The following MYOM1 variants were observed in gnomAD, a reference collection of about 807,000 sequenced individuals.
MYOM1 encodes the protein myomesin 1.
In MYOM1, 164 loss-of-function variants were observed where a neutral mutation model predicts 205.3. The ratio of observed to expected loss-of-function variants is 0.80; its 90% CI spans 0.70 to 0.91. The LOEUF (loss-of-function observed/expected upper bound fraction) is 0.91, where lower values mean the gene tolerates loss of function less well. Among genes scored for constraint, MYOM1 ranks in the 40% least tolerant of loss-of-function variants. MYOM1 has a pLI of 0.00. For synonymous variants in MYOM1, 772 were observed against 789.4 expected (o/e 0.98, Z 0.37); for missense variants, 2,011 against 2,127.3 (o/e 0.95, Z 1.08).
rs1300792613 is a variant in MYOM1 at position 3,168,890 on chromosome 18, C to T, written c.1266G>A (p.Met422Ile). The part of the protein sequence containing the change: ...DVSFGREGET[M>I]SLGCRVVITP... ...TGATGACAACACGACAGCCTAGACT[C>T]ATTGTCTCTCCCTCTCTCCCAAAAG... The change falls in exon 9 of 38, where the codon ATG becomes ATA. Residue 422 changes from methionine to isoleucine, a missense_variant. Physicochemically the swap from Met to Ile is conservative, Grantham distance 10 (BLOSUM62 1). Transcript: ENST00000356443. 6.2e-7 allele frequency: 1 copy of T among 1,613,908 alleles called. No individual in the cohort carries two copies. The highest frequency in any genetic ancestry group is 8.5e-7 in the Non-Finnish European group (1 of 1,179,850).
intron 31 of MYOM1, 59 bp downstream of exon 31, chr18:3,084,986 A>C (rs1205598927): frequency 7.8e-7 from 1 of 1,283,646 alleles, no homozygotes. Context: ...CTCAATCATC[A>C]TTCTGGTAAG....
intron 25 of MYOM1, among the ~76,000 whole-genome samples, chr18:3,098,897 C>T (rs368267801): frequency 1.4e-4 from 22 of 152,198 alleles, no homozygotes; most frequent in Non-Finnish European, 2.4e-4. Context: ...TAGAAGTCTG[C>T]GCCCTACAGT....
intron 5 of MYOM1, among the ~76,000 whole-genome samples, chr18:3,185,993 C>T (rs1364451528): frequency 2.6e-5 from 4 of 152,190 alleles, no homozygotes; most frequent in East Asian, 1.9e-4. Flanking sequence ...GTCAGGAGTT[C>T]GAGACCAGCC....
chr18:3,192,632 T>A (rs994442680), intron 3 of MYOM1, among the ~76,000 whole-genome samples: 1 of 152,216 alleles, frequency 6.6e-6, no homozygotes, highest in Admixed American at 6.5e-5. Context: ...TGGGAATAAC[T>A]CTCTGTTCAA....
In MYOM1 at chr18:3,066,868, G is replaced by A. The variant is rs2078900183; in HGVS notation, c.*394C>T. On this transcript the variant is annotated 3_prime_UTR_variant, in exon 38 of 38. Transcript: ENST00000356443. ...TACAGAGGAGGTTCCAAGCCACGAGGCGCCCGTCGAAAAGCACATCACCTC... is the reference window on the plus strand; with the variant it reads ...TACAGAGGAGGTTCCAAGCCACGAGACGCCCGTCGAAAAGCACATCACCTC... The A allele has an allele frequency of 5.6e-6, 1 of 179,860 alleles. No homozygotes were observed. Among genetic ancestry groups the A allele is most frequent in the Admixed American group, 5.4e-5 (1 of 18,354 alleles). 11.1% of individuals were successfully genotyped at this position (179,860 alleles called of 1,614,324 possible). A position where few individuals can be genotyped will look rare whatever the true frequency, so the allele number is the denominator to read the frequency against.
chr18:3,180,145 T>A (rs1465814178), intron 5 of MYOM1, among the ~76,000 whole-genome samples: 2 of 152,244 alleles, frequency 1.3e-5, no homozygotes, highest in East Asian at 3.9e-4. Context: ...AAAATGAATT[T>A]TTAAAAATAA....
At chr18:3,220,932 T>C (rs1482515642), upstream of MYOM1, among the ~76,000 whole-genome samples, 1 of 152,224 alleles carries the variant, frequency 6.6e-6, no homozygotes, top group Non-Finnish European at 1.5e-5. Flanking sequence ...TTAGATTACA[T>C]GTATGCAGCA....
At chr18:3,175,245 T>G (rs2080620536) in intron 6 of MYOM1, among the ~76,000 whole-genome samples, 1 of 152,216 alleles carries the variant, frequency 6.6e-6, no homozygotes, top group African/African-American at 2.4e-5. Context: ...TAGCATCATT[T>G]GGCCAACTCC....
chr18:3,214,772 G>A (rs1390174213), intron 2 of MYOM1, among the ~76,000 whole-genome samples, 162 bp downstream of exon 2: 1 of 152,188 alleles, frequency 6.6e-6, no homozygotes, highest in African/African-American at 2.4e-5. Context: ...GTTGCAGGGA[G>A]CCGAGATCAC....
At chr18:3,146,694 CT>C (rs2080127515) in intron 13 of MYOM1, among the ~76,000 whole-genome samples, 2 of 151,954 alleles carry the variant, frequency 1.3e-5, no homozygotes, top group African/African-American at 4.8e-5. Context: ...TGCTTTCCCC[CT>C]GACATCAGGA....
chr18:3,155,459 T>C lies in MYOM1; in HGVS notation c.1502-371A>G, dbSNP rs370291891. The stretch of plus-strand genomic sequence containing the variant: ...CAGGATGGTCTTGATCTCCTGACCT[T>C]GTGATCCGCCCGCCTCGGCCTCCCA... On this transcript the variant is annotated intron_variant, in intron 10 of 37. Transcript: ENST00000356443. Among the ~76,000 whole-genome samples the C allele has an allele frequency of 1.7e-3, 260 of 152,254 alleles. 1 individual carries two copies. The highest frequency in any genetic ancestry group is 3.3e-3 in the South Asian group (16 of 4,822).
At chr18:3,095,337 G>C (rs1298915686) in intron 25 of MYOM1, among the ~76,000 whole-genome samples, 3 of 152,124 alleles carry the variant, frequency 2.0e-5, no homozygotes, top group Non-Finnish European at 4.4e-5. Flanking sequence ...GGGAGGCCGA[G>C]GGGGGCAAAT....
At chr18:3,134,917 A>T in intron 15 of MYOM1, 93 bp from the exon 16 acceptor site, 1 of 1,248,296 alleles carries the variant, frequency 8.0e-7, no homozygotes, top group Non-Finnish European at 1.1e-6. Flanking sequence ...TATTTTACAC[A>T]CTTCGTCATG....
intron 14 of MYOM1, among the ~76,000 whole-genome samples, chr18:3,136,600 T>C (rs1401646191): frequency 6.6e-6 from 1 of 151,804 alleles, no homozygotes; most frequent in Non-Finnish European, 1.5e-5. Context: ...CTAATTTTTG[T>C]ATTTTTTTGG....
intron 9 of MYOM1, among the ~76,000 whole-genome samples, chr18:3,165,962 C>A (rs980186002): frequency 6.6e-6 from 1 of 152,228 alleles, no homozygotes; most frequent in Admixed American, 6.5e-5. Context: ...ACCACACCTG[C>A]AGCTTGGTGC....
intron 8 of MYOM1, among the ~76,000 whole-genome samples, chr18:3,171,877 T>A (rs2080562487): frequency 6.6e-6 from 1 of 152,150 alleles, no homozygotes; most frequent in South Asian, 2.1e-4. Flanking sequence ...GCCCACAAAG[T>A]CTACAATATT....
At chr18:3,194,903 T>G (rs1241221935) in intron 2 of MYOM1, among the ~76,000 whole-genome samples, 1 of 107,242 alleles carries the variant, frequency 9.3e-6, no homozygotes, top group Non-Finnish European at 1.9e-5. Flanking sequence ...AATTTGAAAC[T>G]ATTCTTAAAA....
chr18:3,067,511 C>T lies in MYOM1; in HGVS notation c.4809G>A (p.Glu1603=). The T allele has an allele frequency of 1.2e-6, 2 of 1,613,844 alleles. No homozygotes were observed. Among genetic ancestry groups the T allele is most frequent in the South Asian group, 1.1e-5 (1 of 91,076 alleles). ...TCNVWGDPPP[E]VSWLKNEKAL... ...CCTTCTCGTTCTTCAACCACGACAC[C>T]TCCGGAGGCGGGTCTCCCCACACGT... Residue 1603 remains glutamate (E), a synonymous_variant, in exon 38 of 38, where the codon GAG becomes GAA. Coordinates refer to ENST00000356443, the MANE Select transcript of MYOM1 (RefSeq NM_003803.4).
chr18:3,071,703 G>A, intron 37 of MYOM1, 131 bp downstream of exon 37: 1 of 882,850 alleles, frequency 1.1e-6, no homozygotes, highest in Non-Finnish European at 1.8e-6. Context: ...CTCTGGTCAA[G>A]TATAAGCAGC....
Sources: gnomAD v4.1 joint callset for allele counts (sites outside exome capture counted in the v4.1 genomes callset) on GRCh38, gnomAD v4.1.1 for gene constraint, MANE v1.5 for transcripts, NCBI Gene and HGNC (gene_info 2026-07-23, HGNC 2026-07-21) for gene names.